The following ASPM variants were observed in gnomAD, a reference collection of about 807,000 sequenced individuals.
The protein encoded by ASPM is assembly factor for spindle microtubules.
A neutral mutation model predicts 366.4 loss-of-function variants in ASPM; 256 were observed. The ratio of observed to expected loss-of-function variants is 0.70; its 90% CI spans 0.63 to 0.77. ASPM has a LOEUF of 0.77. ASPM is among the 30% of genes least tolerant of loss of function. ASPM has a pLI of 0.00. For synonymous variants in ASPM, 1,414 were observed against 1,342.9 expected, an observed-to-expected ratio of 1.05 and a Z score of -1.16; for missense variants, 4,146 against 4,090.4, an observed-to-expected ratio of 1.01 and a Z score of -0.37.
chr1:197,122,672 G>A (rs1199055721), intron 13 of ASPM, 77 bp from the exon 14 acceptor site: 1 of 1,337,950 alleles, frequency 7.5e-7, no homozygotes, highest in Non-Finnish European at 1.0e-6. Context: ...GAATACCTGT[G>A]AATAATAAAG....
At chr1:197,129,562 A>G (rs1188099948) in intron 8 of ASPM, among the ~76,000 whole-genome samples, 1 of 152,174 alleles carries the variant, frequency 6.6e-6, no homozygotes, top group African/African-American at 2.4e-5. Context: ...AAACAGGCAC[A>G]GAGGCATCAA....
chr1:197,103,483 G>A lies in ASPM; in HGVS notation c.5768C>T (p.Ala1923Val). ...AQKQFRLFKT[A>V]ALVIQQNFRA... ...GAAATTTTGCTGGATGACTAATGCT[G>A]CTGTTTTAAACAATCTAAACTGTTT... is the stretch of plus-strand genomic sequence containing the variant. The change falls in exon 18 of 28, where the codon GCA becomes GTA. Residue 1923 changes from alanine to valine, a missense_variant. Physicochemically the swap from Ala to Val is moderately conservative, Grantham distance 64 (BLOSUM62 0). Around this residue, in one of 3 missense-constraint regions of ASPM, gnomAD observed 3,624 missense variants for 3,591.7 expected, o/e 1.01. Coordinates refer to ENST00000367409, the MANE Select transcript of ASPM (RefSeq NM_018136.5). 1 of 1,613,212 alleles carries A rather than the reference G, an allele frequency of 6.2e-7. No homozygotes were observed. The highest frequency in any genetic ancestry group is 8.5e-7 in the Non-Finnish European group (1 of 1,179,502).
Position 197,143,681 on chromosome 1 carries a change from G to A in ASPM, c.571C>T (p.Pro191Ser). Residue 191 changes from proline to serine, a missense_variant, in exon 3 of 28, where the codon CCA (proline) becomes TCA (serine). This residue lies in a region of ASPM where 512 missense variants were observed against 471.7 expected (regional missense o/e 1.09). Coordinates refer to ENST00000367409, the MANE Select transcript of ASPM (RefSeq NM_018136.5). ...GCCAAGTTTTCACAAGCTTGTAGTG[G>A]GCTCCTAACTCTGTCAACTTTTTGG... ...VSQKVDRVRS[P>S]LQACENLAMN... 1.2e-6 allele frequency: 2 copies of A among 1,613,784 alleles called. No homozygotes were observed. Among genetic ancestry groups the A allele is most frequent in the South Asian group, 1.1e-5 (1 of 91,072 alleles).
chr1:197,090,944 C>T lies in ASPM; in HGVS notation c.9542G>A (p.Arg3181Gln), dbSNP rs1317628872. Residue 3181 changes from arginine (R) to glutamine (Q), a missense_variant, in exon 23 of 28, where the codon CGA (arginine) becomes CAA (glutamine). Physicochemically the swap from Arg to Gln is conservative, Grantham distance 43. Transcript: ENST00000367409. The stretch of plus-strand genomic sequence containing the variant: ...CTGTATTACTGATGCAGCCCTATTT[C>T]GCTGGCTCAGACATTCTTGACCTTC... ...EHEGQECLSQ[R>Q]NRAASVIQKA... is the part of the protein sequence containing the mutation. 11 of 1,613,154 alleles carry T rather than the reference C, an allele frequency of 6.8e-6. No individual in the cohort carries two copies. Among genetic ancestry groups the T allele is most frequent in the Admixed American group, 3.3e-5 (2 of 59,936 alleles).
chr1:197,120,035 G>C (rs1020820399), intron 16 of ASPM, among the ~76,000 whole-genome samples: 4 of 151,980 alleles, frequency 2.6e-5, no homozygotes, highest in African/African-American at 9.7e-5. Flanking sequence ...TATAAAAGAG[G>C]GAGTATGGTC....
chr1:197,116,319 TCTTCTATCTAGACCA>T (rs1157515182), intron 17 of ASPM, among the ~76,000 whole-genome samples: 2 of 152,188 alleles, frequency 1.3e-5, no homozygotes, highest in African/African-American at 4.8e-5. Context: ...GCTGGTTTCA[TCTTCTATCTAGACCA>T]CTCACACTTC....
chr1:197,086,823 T>C lies in ASPM; in HGVS notation c.10311A>G (p.Val3437=). The C allele has an allele frequency of 6.2e-7, 1 of 1,610,212 alleles. No individual in the cohort carries two copies. Among genetic ancestry groups the C allele is most frequent in the Non-Finnish European group, 8.5e-7 (1 of 1,176,808 alleles). ...CTTACCTTGAAACTATTCTGGTCCT[T>C]ACAGGTGTTTCTGGGATAAAAGGAA... is the stretch of plus-strand genomic sequence containing the variant. The part of the protein sequence containing the change: ...ISIPFIPETP[V]RTRIVSRLKP... The change falls in exon 27 of 28, where the codon GTA becomes GTG. Residue 3437 remains valine (V), a synonymous_variant. Coordinates refer to ENST00000367409, the MANE Select transcript of ASPM (RefSeq NM_018136.5).
In ASPM at chr1:197,100,617, C is replaced by T. The variant is rs1435820471; in HGVS notation, c.8634G>A (p.Gln2878=). The T allele has an allele frequency of 1.2e-6, 2 of 1,612,006 alleles. No homozygotes were observed. The highest frequency in any genetic ancestry group is 1.7e-6 in the Non-Finnish European group (2 of 1,178,848). ...HYFRTWQTRK[Q]FLLYRKAAVV... ...CTGCTGCTTTTCTATATAGTAAAAA[C>T]TGTTTTCTGGTTTGCCACGTCCTAA... The change falls in exon 18 of 28, where the codon CAG becomes CAA. Residue 2878 remains glutamine, a synonymous_variant. Coordinates refer to ENST00000367409, the MANE Select transcript of ASPM (RefSeq NM_018136.5).
At chr1:197,098,173 C>T (rs918209727) in intron 18 of ASPM, among the ~76,000 whole-genome samples, 1 of 145,646 alleles carries the variant, frequency 6.9e-6, no homozygotes, top group East Asian at 2.0e-4. Context: ...ATCCCAAATG[C>T]TACAGAGAAG....
Position 197,139,786 on chromosome 1 carries a change from G to A in ASPM, c.2007C>T (p.Phe669=). 6.2e-7 allele frequency: 1 copy of A among 1,608,642 alleles called. No individual in the cohort carries two copies. Among genetic ancestry groups the A allele is most frequent in the Non-Finnish European group, 8.5e-7 (1 of 1,175,110 alleles). The change falls in exon 4 of 28, where the codon TTC becomes TTT. Residue 669 remains phenylalanine (F), a synonymous_variant. Coordinates refer to ENST00000367409, the MANE Select transcript of ASPM (RefSeq NM_018136.5). ...IIAVAQSSLT[F]IKPLKTDIPR... ...ACTTGCCTGTTTTTAATGGTTTTAT[G>A]AAGGTCAAACTGGACTGTGCCACAG... is the stretch of plus-strand genomic sequence containing the variant.
intron 27 of ASPM, 80 bp downstream of exon 27, chr1:197,086,723 A>T: frequency 8.2e-7 from 1 of 1,214,448 alleles, no homozygotes; most frequent in South Asian, 1.2e-5. Flanking sequence ...CATCTTGTTT[A>T]TGGTAAGTGC....
intron 3 of ASPM, among the ~76,000 whole-genome samples, chr1:197,141,237 T>C (rs1571628664): frequency 1.3e-5 from 2 of 152,004 alleles, no homozygotes; most frequent in Admixed American, 1.3e-4. Flanking sequence ...TTACATAAAA[T>C]TCAAATTTCG....
chr1:197,135,321 T>C (rs1158942840), intron 4 of ASPM, 79 bp from the exon 5 acceptor site: 11 of 1,324,002 alleles, frequency 8.3e-6, no homozygotes, highest in Non-Finnish European at 1.2e-5. Context: ...TCATTTTTAC[T>C]AGCAATACCA....
chr1:197,091,704 A>G (rs1449033036), intron 22 of ASPM, among the ~76,000 whole-genome samples: 12 of 152,044 alleles, frequency 7.9e-5, no homozygotes, highest in Admixed American at 7.9e-4. Context: ...GTACAATTAC[A>G]TCAGACAATA....
chr1:197,102,778 A>G lies in ASPM; in HGVS notation c.6473T>C (p.Met2158Thr), dbSNP rs1657241160. The change falls in exon 18 of 28, where the codon ATG (methionine) becomes ACG (threonine). Residue 2158 changes from methionine (M) to threonine (T), a missense_variant. Transcript: ENST00000367409. The part of the protein sequence containing the change: ...VRCRAYYQGK[M>T]QREKYLTILK... ...AATTGTCAGGTACTTTTCACGCTGC[A>G]TTTTACCTTGATAATATGCTCTACA... The G allele has an allele frequency of 1.2e-6, 2 of 1,612,406 alleles. No individual in the cohort carries two copies. The highest frequency in any genetic ancestry group is 2.2e-5 in the South Asian group (2 of 91,062).
intron 1 of ASPM, among the ~76,000 whole-genome samples, chr1:197,145,150 C>T (rs1658727086): frequency 6.6e-6 from 1 of 152,154 alleles, no homozygotes; most frequent in South Asian, 2.1e-4. Flanking sequence ...TCTCTTTTTT[C>T]TGCCTAATGA....
rs1222781235 is a variant in ASPM at position 197,103,574 on chromosome 1, G to A, written c.5677C>T (p.Gln1893Ter). 1 of 1,612,824 alleles carries A rather than the reference G, an allele frequency of 6.2e-7. No individual in the cohort carries two copies. ...SAYRGWKVRK[Q>*]IRREHQAALK... Reference sequence around the variant, plus strand: ...GCAGCTTGATGTTCCCTTCTAATCTGTTTCCGAACCTTCCAGCCACGATAA... The same window carrying A: ...GCAGCTTGATGTTCCCTTCTAATCTATTTCCGAACCTTCCAGCCACGATAA... Residue 1893 changes from glutamine (Q) to a stop codon, truncating the protein, a stop_gained, in exon 18 of 28, where the codon CAG becomes TAG. Transcript: ENST00000367409. LOFTEE classifies it high-confidence loss of function.
intron 7 of ASPM, 142 bp downstream of exon 7, chr1:197,132,142 CA>C (rs1658274265): frequency 1.6e-6 from 1 of 625,250 alleles, no homozygotes; most frequent in Non-Finnish European, 2.7e-6. Context: ...ACGGGTATTA[CA>C]TTTTATACTA....
At position 197,100,956 on chromosome 1, in the gene ASPM, C is replaced by T. The variant is rs2125093578; in HGVS notation, c.8295G>A (p.Lys2765=). The change falls in exon 18 of 28, where the codon AAG becomes AAA. Residue 2765 remains lysine, a synonymous_variant. Coordinates refer to ENST00000367409, the MANE Select transcript of ASPM (RefSeq NM_018136.5). ...CAGATTGGTTAACAATGGCTGCCAT[C>T]TTTTCCTCTGATACATTTTTCAATT... ...RQKLKNVSEE[K]MAAIVNQSAL... The T allele has an allele frequency of 6.2e-7, 1 of 1,612,618 alleles. No homozygotes were observed. Among genetic ancestry groups the T allele is most frequent in the Middle Eastern group, 1.7e-4 (1 of 6,054 alleles).
Sources: allele counts gnomAD v4.1 joint callset (sites outside exome capture counted in the v4.1 genomes callset), GRCh38; gene constraint gnomAD v4.1.1; regional missense constraint gnomAD v4.1.1; transcripts MANE v1.5; gene names NCBI Gene and HGNC (gene_info 2026-07-23, HGNC 2026-07-21).